SCAMP1: variants seen among roughly 807,000 people sequenced by gnomAD.
SCAMP1 encodes the protein secretory carrier membrane protein 1.
Under a neutral mutation model 41.8 loss-of-function variants are expected in SCAMP1, and 15 were observed. The ratio of observed to expected loss-of-function variants is 0.36; its 90% CI spans 0.24 to 0.55. The LOEUF is 0.55. Ranked by LOEUF, SCAMP1 falls within the 20% of genes least tolerant of loss-of-function variation. SCAMP1 has a pLI of 0.86. For synonymous variants in SCAMP1, 135 were observed against 136.8 expected, an observed-to-expected ratio of 0.99 and a Z score of 0.09; for missense variants, 341 against 412.6, an observed-to-expected ratio of 0.83 and a Z score of 1.50.
intron 6 of SCAMP1, among the ~76,000 whole-genome samples, chr5:78,441,306 C>T (rs182558363): frequency 1.3e-5 from 2 of 152,238 alleles, no homozygotes; most frequent in East Asian, 3.9e-4. Flanking sequence ...AGCTGCAGAC[C>T]AGAGCTGTTC....
At chr5:78,459,118 G>A (rs1335915263) in intron 7 of SCAMP1, 127 bp from the exon 8 acceptor site, 1 of 643,454 alleles carries the variant, frequency 1.6e-6, no homozygotes, top group Non-Finnish European at 2.8e-6. Flanking sequence ...AGAATTAAAT[G>A]CACTAATACA....
At position 78,381,641 on chromosome 5, in the gene SCAMP1, G is replaced by T. The variant is rs1051406644; in HGVS notation, c.58-7196G>T. Among the ~76,000 whole-genome samples the T allele has an allele frequency of 2.6e-5, 4 of 152,250 alleles. 1 individual carries two copies. Among genetic ancestry groups the T allele is most frequent in the Admixed American group, 2.6e-4 (4 of 15,290 alleles). On this transcript the variant is annotated intron_variant, in intron 1 of 8. Transcript: ENST00000621999. ...AATTTTGGAGGGGAACCCTGGGAAA[G>T]TAAGTGGAGTGATTTCATTCCCTCT...
In SCAMP1 at chr5:78,450,043, T is replaced by C; in HGVS notation, c.734+9T>C. 1 of 1,453,380 alleles carries C rather than the reference T, an allele frequency of 6.9e-7. No homozygotes were observed. Among genetic ancestry groups the C allele is most frequent in the Non-Finnish European group, 9.4e-7 (1 of 1,059,888 alleles). The allele number at this position is 1,453,380 out of a possible 1,614,324, so 90.0% of individuals were successfully genotyped here. A position where few individuals can be genotyped will look rare whatever the true frequency, so the allele number is the denominator to read the frequency against. On this transcript the variant is annotated intron_variant, in intron 7 of 8. Transcript: ENST00000621999. Reference sequence around the variant, plus strand: ...CATAACTGGGGCAATTGGTAAGTTTTTTTTTTTACTAGTTTTCAGCTTTAA... The same window carrying C: ...CATAACTGGGGCAATTGGTAAGTTTCTTTTTTTACTAGTTTTCAGCTTTAA...
rs535962643 is a variant in SCAMP1 at position 78,443,931 on chromosome 5, C to T, written c.633-6002C>T. On this transcript the variant is annotated intron_variant, in intron 6 of 8. Transcript: ENST00000621999. ...CTTGGCTCCTAAAGTTCTAGGATTA[C>T]AAGCGTCAACCATTGTGCCCAGCTC... is the stretch of plus-strand genomic sequence containing the variant. Among the ~76,000 whole-genome samples the T allele has an allele frequency of 3.4e-3, 519 of 152,176 alleles. 6 individuals are homozygous for T. The highest frequency in any genetic ancestry group is 0.012 in the African/African-American group (502 of 41,536).
At chr5:78,446,728 A>T (rs979261602) in intron 6 of SCAMP1, among the ~76,000 whole-genome samples, 2 of 152,218 alleles carry the variant, frequency 1.3e-5, no homozygotes, top group African/African-American at 4.8e-5. Context: ...ATTTTTCATT[A>T]ATAATTTTTT....
At chr5:78,373,850 A>G (rs1437013688) in intron 1 of SCAMP1, among the ~76,000 whole-genome samples, 1 of 152,184 alleles carries the variant, frequency 6.6e-6, no homozygotes, top group Non-Finnish European at 1.5e-5. Flanking sequence ...ACCTAATGGT[A>G]TAATTTGAAA....
chr5:78,456,140 T>C (rs1344672572), intron 7 of SCAMP1, among the ~76,000 whole-genome samples: 1 of 122,340 alleles, frequency 8.2e-6, no homozygotes, highest in Non-Finnish European at 1.7e-5. Context: ...CTTTATCCAA[T>C]TTGCCAGTCT....
intron 4 of SCAMP1, among the ~76,000 whole-genome samples, chr5:78,417,353 A>G (rs1057045789): frequency 2.6e-5 from 4 of 152,310 alleles, no homozygotes; most frequent in African/African-American, 9.6e-5. Flanking sequence ...ATGAGAACAC[A>G]TTTATCCTGG....
chr5:78,454,900 G>A (rs1360320275), intron 7 of SCAMP1, among the ~76,000 whole-genome samples: 1 of 151,828 alleles, frequency 6.6e-6, no homozygotes, highest in East Asian at 1.9e-4. Context: ...CTTCTTCCTG[G>A]TTTAGTCTTG....
chr5:78,479,482 T>C lies in SCAMP1; in HGVS notation c.*3814T>C, dbSNP rs1178027508. On this transcript the variant is annotated 3_prime_UTR_variant, in exon 9 of 9. Transcript: ENST00000621999. Reference sequence around the variant, plus strand: ...AAGTGAAGTATTTTGGCTAGAATTTTAGGGCATATTTTATAAAGCAGCATG... The same window carrying C: ...AAGTGAAGTATTTTGGCTAGAATTTCAGGGCATATTTTATAAAGCAGCATG... 6.6e-6 allele frequency among the ~76,000 whole-genome samples: 1 copy of C among 152,222 alleles called. No individual in the cohort carries two copies. Among genetic ancestry groups the C allele is most frequent in the Admixed American group, 6.5e-5 (1 of 15,284 alleles).
In SCAMP1 at chr5:78,428,749, G is replaced by C. The variant is rs185524885; in HGVS notation, c.632+6789G>C. 2.6e-5 allele frequency among the ~76,000 whole-genome samples: 4 copies of C among 152,088 alleles called. No individual in the cohort carries two copies. In the East Asian group the frequency reaches 7.7e-4, roughly 29 times the overall value. On this transcript the variant is annotated intron_variant, in intron 6 of 8. Coordinates refer to ENST00000621999, the MANE Select transcript of SCAMP1 (RefSeq NM_004866.6). ...TGACAGCATTGATTTTGTGAATATGGATTTCTCTCCATTTATTTATATTTT... is the reference window on the plus strand; with the variant it reads ...TGACAGCATTGATTTTGTGAATATGCATTTCTCTCCATTTATTTATATTTT...
At chr5:78,414,399 C>T (rs1752158399) in intron 2 of SCAMP1, among the ~76,000 whole-genome samples, 1 of 152,072 alleles carries the variant, frequency 6.6e-6, no homozygotes, top group South Asian at 2.1e-4. Flanking sequence ...TCTTCTGCCT[C>T]AGCCTCCCAA....
intron 6 of SCAMP1, among the ~76,000 whole-genome samples, chr5:78,445,199 T>A (rs976630081): frequency 7.2e-5 from 11 of 152,258 alleles, no homozygotes; most frequent in Non-Finnish European, 1.6e-4. Context: ...TTTTCTGAGA[T>A]TTATTATCAT....
chr5:78,376,262 A>G (rs924912391), intron 1 of SCAMP1, among the ~76,000 whole-genome samples: 3 of 152,236 alleles, frequency 2.0e-5, no homozygotes, highest in African/African-American at 7.2e-5. Flanking sequence ...TATAAAAATT[A>G]GAGATATTTT....
chr5:78,414,684 T>C (rs973110796), intron 2 of SCAMP1, among the ~76,000 whole-genome samples: 2 of 152,208 alleles, frequency 1.3e-5, no homozygotes. Flanking sequence ...CAATCCCCCA[T>C]TGATGGACTT....
intron 6 of SCAMP1, among the ~76,000 whole-genome samples, chr5:78,447,646 T>C (rs1209101304): frequency 1.3e-5 from 2 of 151,488 alleles, no homozygotes; most frequent in Admixed American, 6.6e-5. Flanking sequence ...AGAAAACTCC[T>C]AGAAAAAAAC....
intron 6 of SCAMP1, among the ~76,000 whole-genome samples, chr5:78,436,312 G>A (rs1381875771): frequency 2.6e-5 from 4 of 152,186 alleles, no homozygotes. Context: ...CCTATGTCCT[G>A]AATGGTATTG....
intron 6 of SCAMP1, among the ~76,000 whole-genome samples, chr5:78,429,362 T>A (rs1302620626): frequency 8.3e-4 from 40 of 48,118 alleles, no homozygotes; most frequent in Non-Finnish European, 1.3e-3. Flanking sequence ...TTTTTTTTTT[T>A]AATTTTTTTT....
At position 78,360,726 on chromosome 5, in the gene SCAMP1, A is replaced by T; in HGVS notation, c.55A>T (p.Lys19Ter). 6.2e-7 allele frequency: 1 copy of T among 1,607,668 alleles called. No individual in the cohort carries two copies. The highest frequency in any genetic ancestry group is 1.1e-5 in the South Asian group (1 of 89,750). Reference protein sequence around the residue: ...FADPDLNNPFKDPSVTQVTRN... With the variant: ...FADPDLNNPF ...CGACCCGGATCTCAACAATCCCTTC[A>T]AGGTGAGCTTCGGCCCCAGCATCTC... Residue 19 changes from lysine (K) to a stop codon, truncating the protein, a stop_gained and splice_region_variant, in exon 1 of 9, where the codon AAG (lysine) becomes TAG (stop). Transcript: ENST00000621999. LOFTEE classifies it high-confidence loss of function.
Sources: gnomAD v4.1 joint callset for allele counts (sites outside exome capture counted in the v4.1 genomes callset) on GRCh38, gnomAD v4.1.1 for gene constraint, MANE v1.5 for transcripts, NCBI Gene and HGNC (gene_info 2026-07-23, HGNC 2026-07-21) for gene names.